The following CCDC81 variants were observed in gnomAD, a reference collection of about 807,000 sequenced individuals.
CCDC81 encodes coiled-coil domain containing 81, also known as coiled-coil domain-containing protein 81.
CCDC81 carries 79 observed loss-of-function variants against 83.7 expected under a neutral mutation model. The ratio of observed to expected loss-of-function variants is 0.94; its 90% CI spans 0.79 to 1.14. CCDC81 has a LOEUF of 1.14. Ranked by LOEUF, CCDC81 falls within the 50% of genes most tolerant of loss-of-function variation. The pLI is 0.00. For missense variants in CCDC81, 791 were observed against 778.1 expected, an observed-to-expected ratio of 1.02 and a Z score of -0.20; for synonymous variants, 252 against 278.1, an observed-to-expected ratio of 0.91 and a Z score of 0.93.
intron 1 of CCDC81, among the ~76,000 whole-genome samples, chr11:86,378,324 C>A (rs1948126713): frequency 6.6e-6 from 1 of 152,116 alleles, no homozygotes; most frequent in Non-Finnish European, 1.5e-5. Context: ...CCATTGTAAT[C>A]TGACAGCAGG....
intron 4 of CCDC81, 128 bp from the exon 5 acceptor site, chr11:86,395,206 T>G (rs1236061103): frequency 9.4e-6 from 6 of 641,482 alleles, no homozygotes; most frequent in Non-Finnish European, 2.7e-6. Flanking sequence ...TCTGGACTTA[T>G]AAGCGCTTAA....
intron 10 of CCDC81, among the ~76,000 whole-genome samples, chr11:86,412,007 C>A (rs1948649300): frequency 6.6e-6 from 1 of 152,202 alleles, no homozygotes; most frequent in African/African-American, 2.4e-5. Context: ...TACATAGTTT[C>A]AATTCTTCCC....
At chr11:86,397,021 T>A (rs1308531727) in intron 5 of CCDC81, among the ~76,000 whole-genome samples, 3 of 152,128 alleles carry the variant, frequency 2.0e-5, no homozygotes, top group Admixed American at 6.6e-5. Flanking sequence ...CTGAATTGAC[T>A]GAAGGTACCC....
At chr11:86,405,464 G>A (rs1335930640) in intron 7 of CCDC81, among the ~76,000 whole-genome samples, 1 of 151,960 alleles carries the variant, frequency 6.6e-6, no homozygotes, top group African/African-American at 2.4e-5. Flanking sequence ...GTAATTATTG[G>A]TATATTTGAA....
chr11:86,401,600 A>C (rs1948488143), intron 7 of CCDC81, among the ~76,000 whole-genome samples: 1 of 152,220 alleles, frequency 6.6e-6, no homozygotes, highest in Non-Finnish European at 1.5e-5. Flanking sequence ...TCAATACAAC[A>C]AATATTGAGC....
chr11:86,383,524 A>G (rs1441757741), intron 1 of CCDC81, among the ~76,000 whole-genome samples: 3 of 152,204 alleles, frequency 2.0e-5, no homozygotes, highest in Non-Finnish European at 4.4e-5. Flanking sequence ...AATGTTAAGA[A>G]TTTGAAGCCA....
intron 1 of CCDC81, among the ~76,000 whole-genome samples, chr11:86,376,024 G>C (rs906766613): frequency 1.3e-5 from 2 of 152,138 alleles, no homozygotes; most frequent in African/African-American, 4.8e-5. Flanking sequence ...GAAGATAATG[G>C]CTTAATGAAT....
chr11:86,388,237 T>TTCCTTCG (rs1327382286), intron 3 of CCDC81, among the ~76,000 whole-genome samples: 1 of 94,512 alleles, frequency 1.1e-5, no homozygotes, highest in Non-Finnish European at 2.2e-5. Flanking sequence ...TCCTTCCTTC[T>TTCCTTCG]TCAAATATTT....
At chr11:86,406,395 T>C (rs997164573) in intron 7 of CCDC81, among the ~76,000 whole-genome samples, 1 of 152,258 alleles carries the variant, frequency 6.6e-6, no homozygotes, top group Non-Finnish European at 1.5e-5. Context: ...GGAAAATTCT[T>C]ATCTGTTATT....
At chr11:86,385,552 G>C (rs1237419551) in intron 1 of CCDC81, among the ~76,000 whole-genome samples, 3 of 152,204 alleles carry the variant, frequency 2.0e-5, no homozygotes, top group Non-Finnish European at 4.4e-5. Flanking sequence ...GCAGATTTGA[G>C]GATTTAGCAA....
chr11:86,395,439 T>A (rs1434090656), intron 5 of CCDC81, 26 bp downstream of exon 5: 2 of 1,593,866 alleles, frequency 1.3e-6, no homozygotes, highest in Non-Finnish European at 1.7e-6. Flanking sequence ...CACGGGTTCC[T>A]CTAGGCACTA....
chr11:86,402,429 A>G (rs1194331813), intron 7 of CCDC81, among the ~76,000 whole-genome samples: 1 of 152,194 alleles, frequency 6.6e-6, no homozygotes, highest in East Asian at 1.9e-4. Context: ...TTTCCCCATG[A>G]CATTAAATAT....
At chr11:86,387,229 G>T (rs781500044) in intron 2 of CCDC81, among the ~76,000 whole-genome samples, 1 of 152,186 alleles carries the variant, frequency 6.6e-6, no homozygotes, top group African/African-American at 2.4e-5. Flanking sequence ...CTGGGTTAAA[G>T]ATTAAAAGAT....
rs146519892 is a variant in CCDC81 at position 86,415,326 on chromosome 11, C to G, written c.1691+13C>G. The G allele has an allele frequency of 6.6e-3, 10,487 of 1,600,832 alleles. 47 individuals carry two copies. The highest frequency in any genetic ancestry group is 0.015 in the Middle Eastern group (83 of 5,436). The stretch of plus-strand genomic sequence containing the variant: ...GGACACAAAGAGAGTAAGGAGACCC[C>G]TGATCTTTCTCCCTCCACTTCTCCT... On this transcript the variant is annotated intron_variant, in intron 13 of 14. Coordinates refer to ENST00000445632, the MANE Select transcript of CCDC81 (RefSeq NM_001156474.2).
In CCDC81 at chr11:86,382,284, A is replaced by G. The variant is rs116637023; in HGVS notation, c.80-3767A>G. On this transcript the variant is annotated intron_variant, in intron 1 of 14. Coordinates refer to ENST00000445632, the MANE Select transcript of CCDC81 (RefSeq NM_001156474.2). Reference sequence around the variant, plus strand: ...ACCTATAGCAATAGTCTTGGTGAGAACAAATGGTAGCTTGGTCTAAAACTG... The same window carrying G: ...ACCTATAGCAATAGTCTTGGTGAGAGCAAATGGTAGCTTGGTCTAAAACTG... Among the ~76,000 whole-genome samples the G allele has an allele frequency of 1.9e-3, 294 of 152,278 alleles. 4 individuals carry two copies. The highest frequency in any genetic ancestry group is 6.5e-3 in the African/African-American group (272 of 41,546).
chr11:86,405,260 T>A lies in CCDC81; in HGVS notation c.882-2354T>A, dbSNP rs139747722. ...TATCATTATGAAATATTTTCCTTCATCTCTACTAAAATCTTTTGCCTTCAT... is the reference window on the plus strand; with the variant it reads ...TATCATTATGAAATATTTTCCTTCAACTCTACTAAAATCTTTTGCCTTCAT... On this transcript the variant is annotated intron_variant, in intron 7 of 14. Transcript: ENST00000445632. Among the ~76,000 whole-genome samples, 38 of 152,348 alleles carry A rather than the reference T, an allele frequency of 2.5e-4. No homozygotes were observed. The East Asian group carries it at 4.4e-3, about 18-fold the overall frequency.
chr11:86,382,937 T>C (rs987485066), intron 1 of CCDC81, among the ~76,000 whole-genome samples: 1 of 152,126 alleles, frequency 6.6e-6, no homozygotes, highest in African/African-American at 2.4e-5. Context: ...AAAGAGACCA[T>C]TGGTGACTTC....
At chr11:86,389,110 C>G (rs1269501378) in intron 3 of CCDC81, among the ~76,000 whole-genome samples, 3 of 152,010 alleles carry the variant, frequency 2.0e-5, no homozygotes, top group Non-Finnish European at 2.9e-5. Context: ...GGCAACATAG[C>G]AAGCTCCTGC....
At chr11:86,377,030 G>A (rs968306949) in intron 1 of CCDC81, among the ~76,000 whole-genome samples, 2 of 152,030 alleles carry the variant, frequency 1.3e-5, no homozygotes, top group Non-Finnish European at 2.9e-5. Context: ...TAATATAGTT[G>A]GAATCATATA....
Sources: gnomAD v4.1 joint callset for allele counts (sites outside exome capture counted in the v4.1 genomes callset) on GRCh38, gnomAD v4.1.1 for gene constraint, MANE v1.5 for transcripts, NCBI Gene and HGNC (gene_info 2026-07-23, HGNC 2026-07-21) for gene names.